The following CPLANE1 variants were observed in gnomAD, a reference collection of about 807,000 sequenced individuals.
CPLANE1 encodes ciliogenesis and planar polarity effector 1.
A neutral mutation model predicts 362.5 loss-of-function variants in CPLANE1; 263 were observed. That is an observed-to-expected ratio of 0.73 (90% CI 0.66 to 0.80). The LOEUF is 0.80. Among genes scored for constraint, CPLANE1 ranks in the 30% least tolerant of loss-of-function variants. The pLI is 0.00. For synonymous variants in CPLANE1, 1,212 were observed against 1,302.6 expected (o/e 0.93, Z 1.50); for missense variants, 3,461 against 3,793.4 (o/e 0.91, Z 2.30).
At position 37,107,128 on chromosome 5, in the gene CPLANE1, G is replaced by A; in HGVS notation, c.*474C>T. On this transcript the variant is annotated 3_prime_UTR_variant, in exon 53 of 53. Transcript: ENST00000651892. ...TAGTTGGTTTTTCTTTTCACTCCTA[G>A]GCTAAACCCTGCATAGGTGTTTTAA... 1.0e-6 allele frequency: 1 copy of A among 985,270 alleles called. No homozygotes were observed. Among genetic ancestry groups the A allele is most frequent in the Non-Finnish European group, 1.2e-6 (1 of 829,816 alleles). The allele number at this position is 985,270 out of a possible 1,614,324, so 61.0% of individuals were successfully genotyped here.
intron 39 of CPLANE1, 146 bp downstream of exon 39, chr5:37,158,078 C>A: frequency 1.0e-6 from 1 of 977,228 alleles, no homozygotes; most frequent in South Asian, 1.9e-5. Context: ...TGGCATAATG[C>A]TTAAATTAAT....
chr5:37,172,382 G>A (rs1470813805), intron 32 of CPLANE1, among the ~76,000 whole-genome samples: 2 of 152,156 alleles, frequency 1.3e-5, no homozygotes, highest in Non-Finnish European at 2.9e-5. Context: ...GTAAAACACT[G>A]GGTAGGGGTT....
At chr5:37,180,496 A>T (rs368017452) in intron 27 of CPLANE1, among the ~76,000 whole-genome samples, 103 of 152,290 alleles carry the variant, frequency 6.8e-4, no homozygotes, top group African/African-American at 2.4e-3. Context: ...CATTCTCACA[A>T]AGGACTCTTC....
At position 37,183,350 on chromosome 5, in the gene CPLANE1, T is replaced by C. The variant is rs990191430; in HGVS notation, c.4831A>G (p.Asn1611Asp). The C allele has an allele frequency of 6.2e-7, 1 of 1,612,570 alleles. No individual in the cohort carries two copies. ...AAGCAAGAACCAGCTCTAAACACAT[T>C]CTGGCTTTTAGTTTTGCTCTGATGT... ...KRHQSKTKSQ[N>D]VFRAGSCFVV... is the part of the protein sequence containing the mutation. Residue 1611 changes from asparagine to aspartate, a missense_variant, in exon 26 of 53, where the codon AAT becomes GAT. Physicochemically the swap from Asn to Asp is conservative, Grantham distance 23. Around this residue, in one of 2 missense-constraint regions of CPLANE1, gnomAD observed 3,380 missense variants for 3,666.1 expected, o/e 0.92. Coordinates refer to ENST00000651892, the MANE Select transcript of CPLANE1 (RefSeq NM_001384732.1).
chr5:37,161,891 G>A (rs1776934565), intron 38 of CPLANE1, among the ~76,000 whole-genome samples: 1 of 152,172 alleles, frequency 6.6e-6, no homozygotes, highest in Non-Finnish European at 1.5e-5. Flanking sequence ...TAAAAAGCAT[G>A]CACAAGGTTC....
intron 49 of CPLANE1, among the ~76,000 whole-genome samples, chr5:37,120,557 G>A (rs1238017712): frequency 1.3e-5 from 2 of 152,192 alleles, no homozygotes; most frequent in Non-Finnish European, 2.9e-5. Flanking sequence ...TCCAGCCTGG[G>A]TGACAGAGCA....
Position 37,212,297 on chromosome 5 carries a change from C to G in CPLANE1, c.2920+1262G>C, listed in dbSNP as rs1792831864. The G allele has an allele frequency of 5.8e-6, 6 of 1,042,210 alleles. No individual in the cohort carries two copies. The South Asian group carries it at 7.5e-5, about 13-fold the overall frequency. The allele number at this position is 1,042,210 out of a possible 1,614,324, so 64.6% of individuals were successfully genotyped here. On this transcript the variant is annotated intron_variant, in intron 16 of 52. Transcript: ENST00000651892. ...GCTCAAAAAAGATGGTCCAGGAAGG[C>G]TCCCTAGTGGACACACTGCAATGTA...
the CPLANE1 span, among the ~76,000 whole-genome samples, chr5:37,076,011 A>AGAT: frequency 1.3e-5 from 2 of 152,140 alleles, no homozygotes; most frequent in African/African-American, 4.8e-5. Context: ...TGGGAGGCTG[A>AGAT]GATGGGAGGA....
At chr5:37,085,722 G>A in the CPLANE1 span, 15 of 1,264,868 alleles carry the variant, frequency 1.2e-5, no homozygotes, top group East Asian at 6.9e-5. Flanking sequence ...TTTGCTACTC[G>A]ACTTTCCAAC....
At chr5:37,120,605 T>TA (rs1279502722) in intron 49 of CPLANE1, among the ~76,000 whole-genome samples, 1 of 152,136 alleles carries the variant, frequency 6.6e-6, no homozygotes, top group African/African-American at 2.4e-5. Context: ...GACCAAAATA[T>TA]AGCTCAGATT....
intron 46 of CPLANE1, among the ~76,000 whole-genome samples, chr5:37,136,348 C>T (rs1411259485): frequency 6.6e-6 from 1 of 152,238 alleles, no homozygotes; most frequent in Non-Finnish European, 1.5e-5. Context: ...CCATGTCTCA[C>T]ATCCAGGTCA....
intron 42 of CPLANE1, among the ~76,000 whole-genome samples, chr5:37,149,702 TTCTG>T (rs1158167838): frequency 1.3e-5 from 2 of 152,226 alleles, no homozygotes; most frequent in Non-Finnish European, 2.9e-5. Context: ...TGTGTTTTTT[TTCTG>T]TCTCTCAAAA....
At chr5:37,224,061 T>C (rs1410106240) in intron 14 of CPLANE1, among the ~76,000 whole-genome samples, 192 bp downstream of exon 14, 1 of 152,194 alleles carries the variant, frequency 6.6e-6, no homozygotes, top group Non-Finnish European at 1.5e-5. Context: ...ACAACATGTA[T>C]TCTATTTGGC....
At chr5:37,089,679 C>T in the CPLANE1 span, among the ~76,000 whole-genome samples, 7 of 152,162 alleles carry the variant, frequency 4.6e-5, no homozygotes, top group African/African-American at 1.7e-4. Flanking sequence ...CACGGCGATT[C>T]CTCAAGATTA....
chr5:37,164,928 G>A (rs969416612), intron 36 of CPLANE1, among the ~76,000 whole-genome samples: 8 of 152,008 alleles, frequency 5.3e-5, no homozygotes, highest in Non-Finnish European at 2.9e-5. Flanking sequence ...AACACAGCAA[G>A]GTCCCACCTC....
intron 20 of CPLANE1, among the ~76,000 whole-genome samples, chr5:37,196,524 G>C (rs932063723): frequency 2.6e-5 from 4 of 152,118 alleles, no homozygotes; most frequent in African/African-American, 9.7e-5. Context: ...TTGATAGAGG[G>C]TGTGACACGA....
At chr5:37,188,574 G>A (rs984292950) in intron 21 of CPLANE1, among the ~76,000 whole-genome samples, 15 of 152,116 alleles carry the variant, frequency 9.9e-5, no homozygotes, top group African/African-American at 3.1e-4. Flanking sequence ...TGGTGAAAAC[G>A]TAAACTAGTA....
intron 43 of CPLANE1, among the ~76,000 whole-genome samples, chr5:37,146,996 C>T (rs1771848620): frequency 6.6e-6 from 1 of 152,028 alleles, no homozygotes; most frequent in African/African-American, 2.4e-5. Flanking sequence ...ACTATATTCA[C>T]CTTATAGCCT....
At chr5:37,241,434 G>A (rs1314309579) in intron 6 of CPLANE1, among the ~76,000 whole-genome samples, 3 of 152,020 alleles carry the variant, frequency 2.0e-5, no homozygotes, top group Non-Finnish European at 2.9e-5. Context: ...CAACCTGGGA[G>A]ACAGAGCAAG....
Sources: allele counts gnomAD v4.1 joint callset (sites outside exome capture counted in the v4.1 genomes callset), GRCh38; gene constraint gnomAD v4.1.1; regional missense constraint gnomAD v4.1.1; transcripts MANE v1.5; gene names NCBI Gene and HGNC (gene_info 2026-07-23, HGNC 2026-07-21).